ZBTB39: variants seen among roughly 807,000 people sequenced by gnomAD.
The protein encoded by ZBTB39 is zinc finger and BTB domain containing 39, also known as zinc finger and BTB domain-containing protein 39.
In ZBTB39, 25 loss-of-function variants were observed where a neutral mutation model predicts 39.4. The ratio of observed to expected loss-of-function variants is 0.63; its 90% CI spans 0.46 to 0.89. ZBTB39 has a LOEUF of 0.89. Ranked by LOEUF, ZBTB39 falls within the 40% of genes least tolerant of loss-of-function variation. The pLI is 0.00. For missense variants in ZBTB39, 891 were observed against 909.7 expected, an observed-to-expected ratio of 0.98 and a Z score of 0.26; for synonymous variants, 373 against 359.6, an observed-to-expected ratio of 1.04 and a Z score of -0.42.
chr12:57,003,082 T>G lies in ZBTB39; in HGVS notation c.1836A>C (p.Lys612Asn). 6.2e-7 allele frequency: 1 copy of G among 1,614,148 alleles called. No homozygotes were observed. Among genetic ancestry groups the G allele is most frequent in the East Asian group, 2.2e-5 (1 of 44,878 alleles). Residue 612 changes from lysine (K) to asparagine (N), a missense_variant, in exon 2 of 2, where the codon AAA (lysine) becomes AAC (asparagine). Transcript: ENST00000300101. This position sits in a 1 kb window ranked among gnomAD's most constrained non-coding sequence, Gnocchi z 4.8. ...TGAATTCGCTTGTGTGGGCAAATCT[T>G]TTGCCACAGACCTTGCAGCTATACT... is the stretch of plus-strand genomic sequence containing the variant. ...NSKYSCKVCG[K>N]RFAHTSEFNY...
chr12:57,003,076 A>G lies in ZBTB39; in HGVS notation c.1842T>C (p.Phe614=). Residue 614 remains phenylalanine, a synonymous_variant, in exon 2 of 2, where the codon TTT becomes TTC. Coordinates refer to ENST00000300101, the MANE Select transcript of ZBTB39 (RefSeq NM_014830.3). The surrounding 1 kb of genome is among the most constrained non-coding windows in gnomAD (Gnocchi z 4.8). ...KYSCKVCGKR[F]AHTSEFNYHR... The stretch of plus-strand genomic sequence containing the variant: ...GGTAGTTGAATTCGCTTGTGTGGGC[A>G]AATCTTTTGCCACAGACCTTGCAGC... 6.2e-7 allele frequency: 1 copy of G among 1,614,136 alleles called. No homozygotes were observed. The highest frequency in any genetic ancestry group is 8.5e-7 in the Non-Finnish European group (1 of 1,180,016).
chr12:57,002,063 TC>T lies in ZBTB39; in HGVS notation c.*715del, dbSNP rs1956212917. 1 of 152,670 alleles carries T rather than the reference TC, an allele frequency of 6.6e-6. No individual in the cohort carries two copies. The highest frequency in any genetic ancestry group is 6.5e-5 in the Admixed American group (1 of 15,284). 9.5% of individuals were successfully genotyped at this position (152,670 alleles called of 1,614,324 possible). On this transcript the variant is annotated 3_prime_UTR_variant, in exon 2 of 2. Transcript: ENST00000300101. ...GAAATGAGGAGAAAAGAGAAACCTC[TC>T]CTGTCCATCCAGGCTGCCACTTCTG...
chr12:57,004,268 G>A lies in ZBTB39; in HGVS notation c.650C>T (p.Pro217Leu). 2 of 1,614,200 alleles carry A rather than the reference G, an allele frequency of 1.2e-6. No individual in the cohort carries two copies. The highest frequency in any genetic ancestry group is 2.2e-5 in the South Asian group (2 of 91,084). The change falls in exon 2 of 2, where the codon CCC (proline) becomes CTC (leucine). Residue 217 changes from proline (P) to leucine (L), a missense_variant. Transcript: ENST00000300101. ...PKTEDHDTPA[P>L]FTSIPSMMTQ... The stretch of plus-strand genomic sequence containing the variant: ...CATCATGCTAGGAATGGACGTGAAG[G>A]GAGCAGGGGTGTCATGGTCTTCTGT...
rs1384365250 is a variant in ZBTB39 at position 57,003,773 on chromosome 12, TG to T, written c.1144del (p.Gln382ArgfsTer7). ...ATGAGTTACCCGGGAGTTTCGGTCC[TG>T]GAAGTGGGTCTCGCAGACCTTGCAG... The part of the protein sequence containing the change: ...GNCKVCETHF[Q>X]DRNSRVTHVL... On this transcript the variant is annotated frameshift_variant, in exon 2 of 2. Coordinates refer to ENST00000300101, the MANE Select transcript of ZBTB39 (RefSeq NM_014830.3). LOFTEE classifies it high-confidence loss of function. This position sits in a 1 kb window ranked among gnomAD's most constrained non-coding sequence, Gnocchi z 4.8. 6.2e-7 allele frequency: 1 copy of T among 1,614,244 alleles called. No individual in the cohort carries two copies. The highest frequency in any genetic ancestry group is 1.7e-5 in the Admixed American group (1 of 60,032).
Position 57,003,463 on chromosome 12 carries a change from G to A in ZBTB39, c.1455C>T (p.Cys485=), listed in dbSNP as rs760542533. ...TGCAGAGGTTAAGGTGACGCTGGTC[G>A]CAGACACTGCAGGCCTGGCCCTTCA... The part of the protein sequence containing the change: ...LNLKGQACSV[C]DQRHLNLCSL... The change falls in exon 2 of 2, where the codon TGC becomes TGT. Residue 485 remains cysteine, a synonymous_variant. Transcript: ENST00000300101. This position sits in a 1 kb window ranked among gnomAD's most constrained non-coding sequence, Gnocchi z 4.8. 9.9e-6 allele frequency: 16 copies of A among 1,613,446 alleles called. No individual in the cohort carries two copies. The African/African-American group carries it at 1.6e-4, about 16-fold the overall frequency.
Position 57,004,317 on chromosome 12 carries a change from G to A in ZBTB39, c.601C>T (p.Gln201Ter). 1 of 1,614,194 alleles carries A rather than the reference G, an allele frequency of 6.2e-7. No homozygotes were observed. Among genetic ancestry groups the A allele is most frequent in the Non-Finnish European group, 8.5e-7 (1 of 1,180,030 alleles). Residue 201 changes from glutamine to a stop codon, truncating the protein, a stop_gained, in exon 2 of 2, where the codon CAA (glutamine) becomes TAA (stop). Transcript: ENST00000300101. LOFTEE classifies it high-confidence loss of function. ...SDANHSLHLP[Q>*]PPPPPPKTED... ...GTCTTTGGCGGTGGTGGGGGCGGTTGCGGCAGATGCAGGCTATGGTTAGCG... is the reference window on the plus strand; with the variant it reads ...GTCTTTGGCGGTGGTGGGGGCGGTTACGGCAGATGCAGGCTATGGTTAGCG...
chr12:57,005,772 C>T (rs7972615), intron 1 of ZBTB39, among the ~76,000 whole-genome samples: 14,015 of 152,186 alleles, frequency 0.092, 681 homozygotes, highest in East Asian at 0.18. Context: ...AGGTAAGACT[C>T]CTAGAGGCTT....
chr12:57,003,572 G>C lies in ZBTB39; in HGVS notation c.1346C>G (p.Pro449Arg). Residue 449 changes from proline (P) to arginine (R), a missense_variant, in exon 2 of 2, where the codon CCA becomes CGA. Physicochemically the swap from Pro to Arg is moderately radical, Grantham distance 103. Transcript: ENST00000300101. The surrounding 1 kb of genome is among the most constrained non-coding windows in gnomAD (Gnocchi z 4.8). Reference sequence around the variant, plus strand: ...CCCACAGGCAGCGCATTTCAGCTCTGGGGAGGCTGCCCCTGAAAAGAGACC... The same window carrying C: ...CCCACAGGCAGCGCATTTCAGCTCTCGGGAGGCTGCCCCTGAAAAGAGACC... ...KLGLFSGAASPELKCAACGKV... is the reference protein window; with the variant it reads ...KLGLFSGAASRELKCAACGKV... 6.2e-7 allele frequency: 1 copy of C among 1,614,154 alleles called. No individual in the cohort carries two copies. The highest frequency in any genetic ancestry group is 2.2e-5 in the East Asian group (1 of 44,882).
At position 57,003,645 on chromosome 12, in the gene ZBTB39, C is replaced by A; in HGVS notation, c.1273G>T (p.Glu425Ter). The change falls in exon 2 of 2, where the codon GAG becomes TAG. Residue 425 changes from glutamate (E) to a stop codon, truncating the protein, a stop_gained. Coordinates refer to ENST00000300101, the MANE Select transcript of ZBTB39 (RefSeq NM_014830.3). LOFTEE classifies it high-confidence loss of function. This position sits in a 1 kb window ranked among gnomAD's most constrained non-coding sequence, Gnocchi z 4.8. Reference sequence around the variant, plus strand: ...TTGGGGTGGACAATGATGTTGTTCTCAAATATTCCATCCCGTCGGTGAAGG... The same window carrying A: ...TTGGGGTGGACAATGATGTTGTTCTAAAATATTCCATCCCGTCGGTGAAGG... ...LTLHRRDGIF[E>*]NNIIVHPNDP... 6.2e-7 allele frequency: 1 copy of A among 1,614,176 alleles called. No individual in the cohort carries two copies. Among genetic ancestry groups the A allele is most frequent in the Non-Finnish European group, 8.5e-7 (1 of 1,180,040 alleles).
rs1956235288 is a variant in ZBTB39 at position 57,004,747 on chromosome 12, G to T, written c.171C>A (p.Asn57Lys). Residue 57 changes from asparagine (N) to lysine (K), a missense_variant, in exon 2 of 2, where the codon AAC becomes AAA. By Grantham distance (94) the Asn-to-Lys change is moderately conservative. Transcript: ENST00000300101. ...CATCAAGCCCAGTATTCAGGAAGAG[G>T]TTCTGGAAGTAGCCAGCTGCACAGG... Reference protein sequence around the residue: ...VLACAAGYFQNLFLNTGLDAA... With the variant: ...VLACAAGYFQKLFLNTGLDAA... 6.2e-7 allele frequency: 1 copy of T among 1,614,072 alleles called. No individual in the cohort carries two copies. Among genetic ancestry groups the T allele is most frequent in the Non-Finnish European group, 8.5e-7 (1 of 1,180,012 alleles).
rs186349154 is a variant in ZBTB39, at chr12:57,003,439, G to A, written c.1479C>T (p.Cys493=). The A allele has an allele frequency of 8.9e-5, 144 of 1,614,140 alleles. 1 individual carries two copies. The East Asian group carries it at 1.4e-3, about 16-fold the overall frequency. The change falls in exon 2 of 2, where the codon TGC becomes TGT. Residue 493 remains cysteine (C), a synonymous_variant. Coordinates refer to ENST00000300101, the MANE Select transcript of ZBTB39 (RefSeq NM_014830.3). The surrounding 1 kb of genome is among the most constrained non-coding windows in gnomAD (Gnocchi z 4.8). ...SVCDQRHLNL[C]SLMWHTLSHL... ...GGGACAGCGTGTGCCACATGAGGCT[G>A]CAGAGGTTAAGGTGACGCTGGTCGC...
At position 57,000,852 on chromosome 12, in the gene ZBTB39, A is replaced by T. The variant is rs1309775259; in HGVS notation, c.*1927T>A. 2 of 152,294 alleles carry T rather than the reference A, an allele frequency of 1.3e-5. No individual in the cohort carries two copies. Among genetic ancestry groups the T allele is most frequent in the African/African-American group, 4.8e-5 (2 of 41,416 alleles). 9.4% of individuals were successfully genotyped at this position (152,294 alleles called of 1,614,324 possible). A position where few individuals can be genotyped will look rare whatever the true frequency, so the allele number is the denominator to read the frequency against. ...GCTTTATCAGTTCAGGGCTGGGGAG[A>T]AGCAGCAGGTCCAACAAGGATGGAG... On this transcript the variant is annotated 3_prime_UTR_variant, in exon 2 of 2. Coordinates refer to ENST00000300101, the MANE Select transcript of ZBTB39 (RefSeq NM_014830.3).
chr12:57,005,071 T>C (rs962911339), intron 1 of ZBTB39, 110 bp from the exon 2 acceptor site: 1 of 754,212 alleles, frequency 1.3e-6, no homozygotes, highest in Non-Finnish European at 2.1e-6. Flanking sequence ...CAGGTAGGGA[T>C]CAGGAGTAAA....
Position 56,999,501 on chromosome 12 carries a change from C to G in ZBTB39, c.*3278G>C, listed in dbSNP as rs1263686662. On this transcript the variant is annotated 3_prime_UTR_variant, in exon 2 of 2. Coordinates refer to ENST00000300101, the MANE Select transcript of ZBTB39 (RefSeq NM_014830.3). Reference sequence around the variant, plus strand: ...GCAGAATATAAAAAAAAACTTTTACCCATCTCCTGGTTCTTAGGGGTCACC... The same window carrying G: ...GCAGAATATAAAAAAAAACTTTTACGCATCTCCTGGTTCTTAGGGGTCACC... 6.6e-6 allele frequency: 1 copy of G among 152,172 alleles called. No homozygotes were observed. Among genetic ancestry groups the G allele is most frequent in the Non-Finnish European group, 1.5e-5 (1 of 68,026 alleles). The allele number at this position is 152,172 out of a possible 1,614,324, so 9.4% of individuals were successfully genotyped here.
chr12:57,002,617 G>T lies in ZBTB39; in HGVS notation c.*162C>A. The T allele has an allele frequency of 1.5e-6, 1 of 676,498 alleles. No homozygotes were observed. The highest frequency in any genetic ancestry group is 1.8e-5 in the African/African-American group (1 of 55,312). The allele number at this position is 676,498 out of a possible 1,614,324, so 41.9% of individuals were successfully genotyped here. A position where few individuals can be genotyped will look rare whatever the true frequency, so the allele number is the denominator to read the frequency against. On this transcript the variant is annotated 3_prime_UTR_variant, in exon 2 of 2. Transcript: ENST00000300101. ...CTGTTGCTTCTCAACAACAGTAACA[G>T]CTTATGTGCTATTTCTTCTTCTTTT...
chr12:57,001,245 A>G lies in ZBTB39; in HGVS notation c.*1534T>C, dbSNP rs1956208343. The G allele has an allele frequency of 2.0e-5, 3 of 152,612 alleles. No individual in the cohort carries two copies. Among genetic ancestry groups the G allele is most frequent in the African/African-American group, 7.2e-5 (3 of 41,446 alleles). 9.5% of individuals were successfully genotyped at this position (152,612 alleles called of 1,614,324 possible). A position where few individuals can be genotyped will look rare whatever the true frequency, so the allele number is the denominator to read the frequency against. ...TCCTAAAGTCTCTTATACAAAAGAG[A>G]TGCTGGGTAATGTGTATACAAAAAC... On this transcript the variant is annotated 3_prime_UTR_variant, in exon 2 of 2. Transcript: ENST00000300101.
At position 57,003,926 on chromosome 12, in the gene ZBTB39, G is replaced by T. The variant is rs1956228579; in HGVS notation, c.992C>A (p.Ala331Asp). The stretch of plus-strand genomic sequence containing the variant: ...CTCCCGATTGTCATTCTCTCCAAAA[G>T]CCAACTCATCCTCACTGTCATCACT... ...ELSDDSEDELAFGENDNRENK... is the reference protein window; with the variant it reads ...ELSDDSEDELDFGENDNRENK... Residue 331 changes from alanine (A) to aspartate (D), a missense_variant, in exon 2 of 2, where the codon GCT (alanine) becomes GAT (aspartate). Ala to Asp is a moderately radical substitution (Grantham distance 126). Transcript: ENST00000300101. The surrounding 1 kb of genome is among the most constrained non-coding windows in gnomAD (Gnocchi z 4.8). 1.9e-6 allele frequency: 3 copies of T among 1,614,054 alleles called. No homozygotes were observed. The highest frequency in any genetic ancestry group is 2.2e-5 in the South Asian group (2 of 91,084).
chr12:57,005,650 A>G (rs1296906839), intron 1 of ZBTB39, among the ~76,000 whole-genome samples: 2 of 152,222 alleles, frequency 1.3e-5, no homozygotes, highest in Non-Finnish European at 2.9e-5. Flanking sequence ...GTAGTATTTA[A>G]TATTACTTTA....
At position 57,004,509 on chromosome 12, in the gene ZBTB39, T is replaced by C. The variant is rs751848000; in HGVS notation, c.409A>G (p.Thr137Ala). 1.2e-6 allele frequency: 2 copies of C among 1,613,974 alleles called. No homozygotes were observed. Among genetic ancestry groups the C allele is most frequent in the Admixed American group, 3.3e-5 (2 of 59,994 alleles). ...AGGGTACCAGAGTGGCTCTCACTGG[T>C]GCTGGTCAGGGGCTTGGCCCTGGCA... is the stretch of plus-strand genomic sequence containing the variant. ...STARAKPLTS[T>A]SESHSGTLSC... Residue 137 changes from threonine (T) to alanine (A), a missense_variant, in exon 2 of 2, where the codon ACC (threonine) becomes GCC (alanine). Coordinates refer to ENST00000300101, the MANE Select transcript of ZBTB39 (RefSeq NM_014830.3).
Sources: allele counts gnomAD v4.1 joint callset (sites outside exome capture counted in the v4.1 genomes callset), GRCh38; gene constraint gnomAD v4.1.1; non-coding constraint Gnocchi (gnomAD v3.1); transcripts MANE v1.5; gene names NCBI Gene and HGNC (gene_info 2026-07-23, HGNC 2026-07-21).